DLGAP2: variants seen among roughly 807,000 people sequenced by gnomAD.
DLGAP2 encodes disks large-associated protein 2.
Under a neutral mutation model 100.3 loss-of-function variants are expected in DLGAP2, and 26 were observed. The observed-to-expected ratio is 0.26, with a 90% CI of 0.19 to 0.36. DLGAP2 has a LOEUF of 0.36. Among genes scored for constraint, DLGAP2 ranks in the 10% least tolerant of loss-of-function variants. The pLI is 1.00. For synonymous variants in DLGAP2, 886 were observed against 630.1 expected (o/e 1.41, Z -6.08); for missense variants, 1,858 against 1,453.2 (o/e 1.28, Z -4.53).
chr8:965,912 T>G (rs963049098), intron 2 of DLGAP2, among the ~76,000 whole-genome samples: 1 of 152,146 alleles, frequency 6.6e-6, no homozygotes, highest in Non-Finnish European at 1.5e-5. Flanking sequence ...CTCCTGAGCC[T>G]GAGGAGGAGC....
chr8:1,133,685 A>G (rs1304348650), intron 2 of DLGAP2, among the ~76,000 whole-genome samples: 1 of 152,228 alleles, frequency 6.6e-6, no homozygotes, highest in African/African-American at 2.4e-5. Flanking sequence ...AATGTGAGGA[A>G]TTCATATTAA....
chr8:1,618,048 C>T (rs780520671), intron 6 of DLGAP2, among the ~76,000 whole-genome samples: 4 of 152,146 alleles, frequency 2.6e-5, no homozygotes, highest in Admixed American at 6.6e-5. Context: ...AGATAAAACA[C>T]GAGGATGCCG....
At chr8:1,136,234 G>T (rs990388253) in intron 2 of DLGAP2, among the ~76,000 whole-genome samples, 12 of 151,996 alleles carry the variant, frequency 7.9e-5, no homozygotes, top group Non-Finnish European at 1.5e-4. Context: ...CATGAGTTGG[G>T]TTGACCTCAC....
chr8:771,745 A>T (rs1234537080), intron 1 of DLGAP2, among the ~76,000 whole-genome samples: 3 of 152,244 alleles, frequency 2.0e-5, no homozygotes. Context: ...CTTTATTTTA[A>T]AATGACTTTG....
At chr8:996,342 C>T (rs1425764567) in intron 2 of DLGAP2, among the ~76,000 whole-genome samples, 1 of 152,126 alleles carries the variant, frequency 6.6e-6, no homozygotes, top group South Asian at 2.1e-4. Flanking sequence ...TCCGAGGGCC[C>T]CAGTGTCACC....
intron 6 of DLGAP2, among the ~76,000 whole-genome samples, chr8:1,609,195 G>T (rs1796917655): frequency 7.1e-6 from 1 of 140,924 alleles, no homozygotes; most frequent in Non-Finnish European, 1.6e-5. Context: ...GGATCTCTCG[G>T]CAGAAACCCT....
chr8:1,690,131 T>G (rs906456366), intron 12 of DLGAP2, among the ~76,000 whole-genome samples: 5 of 152,068 alleles, frequency 3.3e-5, no homozygotes, highest in Non-Finnish European at 7.4e-5. Context: ...CAAGGCGGGC[T>G]GATCACCGGA....
intron 8 of DLGAP2, among the ~76,000 whole-genome samples, chr8:1,644,214 T>G (rs1797985498): frequency 6.6e-6 from 1 of 152,238 alleles, no homozygotes; most frequent in South Asian, 2.1e-4. Flanking sequence ...TCCCACCCAC[T>G]CTCCATCCTG....
intron 2 of DLGAP2, among the ~76,000 whole-genome samples, chr8:1,011,999 C>G (rs906885824): frequency 6.6e-6 from 1 of 152,206 alleles, no homozygotes; most frequent in Non-Finnish European, 1.5e-5. Flanking sequence ...CTGAGTGGCT[C>G]AAGTCCAGGG....
chr8:1,634,272 T>C (rs1585017445), intron 8 of DLGAP2, among the ~76,000 whole-genome samples: 1 of 152,070 alleles, frequency 6.6e-6, no homozygotes. Flanking sequence ...CTCGGTGTGC[T>C]TTTTATGTGG....
intron 3 of DLGAP2, 114 bp downstream of exon 3, chr8:1,258,997 C>T: frequency 1.1e-6 from 1 of 895,280 alleles, no homozygotes; most frequent in Non-Finnish European, 1.5e-6. Flanking sequence ...ATTGAGGACG[C>T]AGTCTGTGTG....
chr8:1,281,275 C>G (rs1170901407), intron 3 of DLGAP2, among the ~76,000 whole-genome samples: 3 of 152,194 alleles, frequency 2.0e-5, no homozygotes, highest in Non-Finnish European at 4.4e-5. Flanking sequence ...AGCCACGTGC[C>G]ACATTGTGTT....
intron 3 of DLGAP2, among the ~76,000 whole-genome samples, chr8:1,270,216 T>G (rs1326747679): frequency 6.6e-6 from 1 of 152,010 alleles, no homozygotes. Context: ...AGCATGGGAT[T>G]GAGAATATGA....
intron 4 of DLGAP2, among the ~76,000 whole-genome samples, chr8:1,532,497 T>C (rs1801017587): frequency 6.6e-6 from 1 of 152,212 alleles, no homozygotes; most frequent in African/African-American, 2.4e-5. Flanking sequence ...TGGAATACTA[T>C]AATTACCTAC....
intron 3 of DLGAP2, among the ~76,000 whole-genome samples, chr8:1,358,254 T>A (rs1801901127): frequency 6.6e-6 from 1 of 152,166 alleles, no homozygotes; most frequent in African/African-American, 2.4e-5. Flanking sequence ...GAGGTGAGAA[T>A]CTAAGTAATT....
At chr8:1,546,045 T>C (rs1479539928) in intron 4 of DLGAP2, among the ~76,000 whole-genome samples, 1 of 152,262 alleles carries the variant, frequency 6.6e-6, no homozygotes, top group East Asian at 1.9e-4. Flanking sequence ...TATTTAGCAG[T>C]TGAATATTGA....
Position 1,088,063 on chromosome 8 carries a change from A to G in DLGAP2, c.74-170788A>G, listed in dbSNP as rs377237664. ...GCTCTGCCTTCACACCACTGCCAAA[A>G]TGGATTTCTCCAGCTGGGCTTGGCC... On this transcript the variant is annotated intron_variant, in intron 2 of 14. Coordinates refer to ENST00000637795, the MANE Select transcript of DLGAP2 (RefSeq NM_001346810.2). 8.5e-5 allele frequency among the ~76,000 whole-genome samples: 13 copies of G among 152,302 alleles called. No homozygotes were observed. The East Asian group carries it at 1.7e-3, about 20-fold the overall frequency.
intron 1 of DLGAP2, chr8:753,543 T>G (rs1179793714): frequency 6.6e-6 from 1 of 152,224 alleles, no homozygotes; most frequent in Non-Finnish European, 1.5e-5. Flanking sequence ...GAATGAGAAG[T>G]TCTCCGCGAG....
At chr8:1,588,241 C>T (rs140334621) in intron 6 of DLGAP2, among the ~76,000 whole-genome samples, 3 of 152,066 alleles carry the variant, frequency 2.0e-5, no homozygotes, top group Non-Finnish European at 2.9e-5. Flanking sequence ...GTTCATGTCT[C>T]TTAATCTAAT....
Sources: allele counts gnomAD v4.1 joint callset (sites outside exome capture counted in the v4.1 genomes callset), GRCh38; gene constraint gnomAD v4.1.1; transcripts MANE v1.5; gene names NCBI Gene and HGNC (gene_info 2026-07-23, HGNC 2026-07-21).